PTPRJ: variants seen among roughly 807,000 people sequenced by gnomAD.
PTPRJ encodes the protein protein tyrosine phosphatase receptor type J.
In PTPRJ, 129 loss-of-function variants were observed where a neutral mutation model predicts 141.3. The ratio of observed to expected loss-of-function variants is 0.91; its 90% CI spans 0.79 to 1.06. The LOEUF is 1.06. PTPRJ is among the 50% of genes least tolerant of loss of function. The probability of loss-of-function intolerance (pLI) is 0.00; values close to 1 mark genes in which losing one functional copy is unlikely to be tolerated. For synonymous variants in PTPRJ, 610 were observed against 640.5 expected (o/e 0.95, Z 0.72); for missense variants, 1,601 against 1,679.7 (o/e 0.95, Z 0.82).
intron 21 of PTPRJ, among the ~76,000 whole-genome samples, chr11:48,156,422 G>A (rs995641076): frequency 6.6e-6 from 1 of 152,048 alleles, no homozygotes. Context: ...GCTGTTCACG[G>A]TGTGGCTCTG....
chr11:48,128,930 C>G (rs1018773539), intron 7 of PTPRJ, among the ~76,000 whole-genome samples: 17 of 152,192 alleles, frequency 1.1e-4, no homozygotes, highest in Admixed American at 5.2e-4. Context: ...GCTTGCATTT[C>G]TTTACCTTTT....
chr11:48,045,068 CT>C (rs932242990), intron 1 of PTPRJ, among the ~76,000 whole-genome samples: 1 of 152,184 alleles, frequency 6.6e-6, no homozygotes, highest in African/African-American at 2.4e-5. Context: ...TTCAGTTCCT[CT>C]TTTCCCCCGT....
At chr11:48,081,424 A>G (rs1855554238) in intron 1 of PTPRJ, among the ~76,000 whole-genome samples, 1 of 152,086 alleles carries the variant, frequency 6.6e-6, no homozygotes, top group African/African-American at 2.4e-5. Context: ...CAAGGCAAAC[A>G]GGGAGGAGAG....
chr11:48,139,690 C>G lies in PTPRJ; in HGVS notation c.2357C>G (p.Ser786Cys). 6.2e-7 allele frequency: 1 copy of G among 1,614,164 alleles called. No individual in the cohort carries two copies. Among genetic ancestry groups the G allele is most frequent in the Non-Finnish European group, 8.5e-7 (1 of 1,180,036 alleles). Residue 786 changes from serine (S) to cysteine (C), a missense_variant, in exon 11 of 25, where the codon TCT becomes TGT. Coordinates refer to ENST00000418331, the MANE Select transcript of PTPRJ (RefSeq NM_002843.4). The stretch of plus-strand genomic sequence containing the variant: ...ACGGAAGTCACGTATTTGAATTTTT[C>G]TACCTCGTACAACATCAGCATCACC... ...YRTEVTYLNF[S>C]TSYNISITTV...
intron 1 of PTPRJ, among the ~76,000 whole-genome samples, chr11:48,037,973 G>A (rs886520328): frequency 2.0e-5 from 3 of 151,454 alleles, no homozygotes; most frequent in African/African-American, 7.3e-5. Flanking sequence ...TTTCCTCCAC[G>A]TTGCTAAATT....
chr11:48,109,789 G>T (rs541256702), intron 1 of PTPRJ, among the ~76,000 whole-genome samples: 7 of 152,230 alleles, frequency 4.6e-5, no homozygotes, highest in African/African-American at 1.7e-4. Context: ...GAGGTGGGGG[G>T]ATGTGTCTGG....
At chr11:48,099,112 C>G (rs2134310600) in intron 1 of PTPRJ, among the ~76,000 whole-genome samples, 1 of 152,206 alleles carries the variant, frequency 6.6e-6, no homozygotes. Context: ...TCATCAGAAC[C>G]AGGATATAGA....
intron 9 of PTPRJ, 80 bp downstream of exon 9, chr11:48,136,376 G>T: frequency 6.6e-7 from 1 of 1,514,498 alleles, no homozygotes; most frequent in South Asian, 1.2e-5. Flanking sequence ...ATGATGGCCA[G>T]TGTGCTTCTG....
intron 1 of PTPRJ, among the ~76,000 whole-genome samples, chr11:47,991,014 C>G (rs900436900): frequency 3.3e-5 from 5 of 151,846 alleles, no homozygotes; most frequent in African/African-American, 1.2e-4. Flanking sequence ...GCCACCGCGC[C>G]CGGCCCCATG....
chr11:48,051,008 C>A (rs528870159), intron 1 of PTPRJ, among the ~76,000 whole-genome samples: 9 of 145,978 alleles, frequency 6.2e-5, no homozygotes, highest in Non-Finnish European at 1.0e-4. Context: ...TTTGCCAAGG[C>A]GTCTGGTGAA....
At chr11:48,042,569 G>T (rs1421742787) in intron 1 of PTPRJ, among the ~76,000 whole-genome samples, 1 of 152,102 alleles carries the variant, frequency 6.6e-6, no homozygotes, top group East Asian at 1.9e-4. Context: ...ACTAGAAATT[G>T]ATGTTCTGCC....
chr11:48,115,734 A>G (rs1229176134), intron 3 of PTPRJ, among the ~76,000 whole-genome samples: 2 of 152,220 alleles, frequency 1.3e-5, no homozygotes, highest in Non-Finnish European at 2.9e-5. Context: ...AATAACTTGC[A>G]GGGGGGATAT....
intron 1 of PTPRJ, among the ~76,000 whole-genome samples, chr11:48,067,251 C>T (rs1370635991): frequency 6.6e-6 from 1 of 152,184 alleles, no homozygotes; most frequent in African/African-American, 2.4e-5. Flanking sequence ...TACAGAGCCT[C>T]CGGCCTGGAA....
At chr11:48,151,239 C>A (rs183687629) in intron 18 of PTPRJ, among the ~76,000 whole-genome samples, 1 of 152,176 alleles carries the variant, frequency 6.6e-6, no homozygotes, top group African/African-American at 2.4e-5. Flanking sequence ...CTCTGGGCAG[C>A]GCCCTTCCTT....
intron 1 of PTPRJ, among the ~76,000 whole-genome samples, chr11:48,068,049 A>G (rs1402602639): frequency 6.6e-6 from 1 of 152,220 alleles, no homozygotes; most frequent in African/African-American, 2.4e-5. Flanking sequence ...CAGTTTAGGA[A>G]GATGACACAG....
At chr11:48,106,777 T>C (rs951161777) in intron 1 of PTPRJ, among the ~76,000 whole-genome samples, 12 of 144,690 alleles carry the variant, frequency 8.3e-5, no homozygotes, top group Admixed American at 2.7e-4. Context: ...TTTTTTTTTT[T>C]TTTTTTTTTA....
At chr11:48,094,475 C>T (rs1855951628) in intron 1 of PTPRJ, among the ~76,000 whole-genome samples, 1 of 152,150 alleles carries the variant, frequency 6.6e-6, no homozygotes, top group South Asian at 2.1e-4. Context: ...GATGTCAAGC[C>T]TGTGGGGAAT....
intron 1 of PTPRJ, among the ~76,000 whole-genome samples, chr11:48,062,995 T>C (rs1004768342): frequency 1.3e-5 from 2 of 152,186 alleles, no homozygotes; most frequent in African/African-American, 4.8e-5. Flanking sequence ...TAGATGTCCA[T>C]TTAGTTGTTA....
chr11:48,008,651 G>A (rs376589712), intron 1 of PTPRJ, among the ~76,000 whole-genome samples: 6 of 151,582 alleles, frequency 4.0e-5, no homozygotes, highest in African/African-American at 1.2e-4. Context: ...TGCAACCTCC[G>A]CCTCCCAGGT....
Sources: gnomAD v4.1 joint callset for allele counts (sites outside exome capture counted in the v4.1 genomes callset) on GRCh38, gnomAD v4.1.1 for gene constraint, MANE v1.5 for transcripts, NCBI Gene and HGNC (gene_info 2026-07-23, HGNC 2026-07-21) for gene names.